The following UBE2G1 variants were observed in gnomAD, a reference collection of about 807,000 sequenced individuals.
UBE2G1 encodes ubiquitin conjugating enzyme E2 G1.
A neutral mutation model predicts 22.7 loss-of-function variants in UBE2G1; 5 were observed. The observed-to-expected ratio is 0.22, with a 90% CI of 0.12 to 0.46. UBE2G1 has a LOEUF of 0.46. Among genes scored for constraint, UBE2G1 ranks in the 20% least tolerant of loss-of-function variants. The probability of loss-of-function intolerance (pLI) is 0.99; values close to 1 mark genes in which losing one functional copy is unlikely to be tolerated. For synonymous variants in UBE2G1, 74 were observed against 67.5 expected, an observed-to-expected ratio of 1.10 and a Z score of -0.47; for missense variants, 88 against 203.9, an observed-to-expected ratio of 0.43 and a Z score of 3.46.
At chr17:4,324,358 C>T (rs1969477354) in intron 1 of UBE2G1, among the ~76,000 whole-genome samples, 2 of 152,066 alleles carry the variant, frequency 1.3e-5, no homozygotes, top group Admixed American at 6.6e-5. Context: ...TTTTTGAAGA[C>T]TTTGTGAGAA....
At chr17:4,314,760 C>A (rs1212104695) in intron 1 of UBE2G1, among the ~76,000 whole-genome samples, 6 of 152,126 alleles carry the variant, frequency 3.9e-5, no homozygotes, top group Non-Finnish European at 8.8e-5. Flanking sequence ...ACCTCACAAA[C>A]CTAACCTGTT....
At chr17:4,346,039 A>G (rs942620898) in intron 1 of UBE2G1, among the ~76,000 whole-genome samples, 2 of 152,242 alleles carry the variant, frequency 1.3e-5, no homozygotes, top group Non-Finnish European at 2.9e-5. Flanking sequence ...TGCTATTGAT[A>G]TTGCAACAAT....
intron 5 of UBE2G1, among the ~76,000 whole-genome samples, chr17:4,278,633 T>C (rs558385366): frequency 6.6e-6 from 1 of 152,330 alleles, no homozygotes; most frequent in South Asian, 2.1e-4. Context: ...TGGTGTGATG[T>C]ATATTTAATT....
At chr17:4,356,732 C>T (rs984375577) in intron 1 of UBE2G1, among the ~76,000 whole-genome samples, 11 of 152,142 alleles carry the variant, frequency 7.2e-5, no homozygotes, top group African/African-American at 2.2e-4. Context: ...AAAATTAAGA[C>T]GGAATTTCTG....
intron 5 of UBE2G1, among the ~76,000 whole-genome samples, chr17:4,276,793 G>C (rs1237950556): frequency 6.6e-6 from 1 of 152,192 alleles, no homozygotes; most frequent in African/African-American, 2.4e-5. Context: ...ACAAGAGTGA[G>C]GGATGCAAGC....
intron 1 of UBE2G1, among the ~76,000 whole-genome samples, chr17:4,342,568 G>A (rs925682003): frequency 6.6e-6 from 1 of 152,126 alleles, no homozygotes; most frequent in East Asian, 1.9e-4. Flanking sequence ...GCAACAAATC[G>A]AGATCCTGCC....
At chr17:4,291,021 C>T (rs575518129) in intron 3 of UBE2G1, among the ~76,000 whole-genome samples, 1 of 152,242 alleles carries the variant, frequency 6.6e-6, no homozygotes, top group African/African-American at 2.4e-5. Flanking sequence ...CCAACCCATC[C>T]CTATCTGCTA....
At chr17:4,284,419 T>C (rs1598179621) in intron 4 of UBE2G1, among the ~76,000 whole-genome samples, 1 of 151,806 alleles carries the variant, frequency 6.6e-6, no homozygotes, top group African/African-American at 2.4e-5. Flanking sequence ...GCCAACATGG[T>C]GAAACCCCAT....
chr17:4,355,706 CTT>C (rs764242717), intron 1 of UBE2G1, among the ~76,000 whole-genome samples: 1 of 137,392 alleles, frequency 7.3e-6, no homozygotes. Context: ...AGTAGCCATT[CTT>C]TTTTTTTTTT....
At chr17:4,363,829 G>A (rs996602002) in intron 1 of UBE2G1, among the ~76,000 whole-genome samples, 1 of 151,582 alleles carries the variant, frequency 6.6e-6, no homozygotes, top group Admixed American at 6.6e-5. Context: ...GCGGGCGCCT[G>A]TAGTCCCAGC....
intron 1 of UBE2G1, among the ~76,000 whole-genome samples, chr17:4,315,242 C>A (rs1298795913): frequency 5.3e-5 from 8 of 152,102 alleles, no homozygotes; most frequent in Admixed American, 5.2e-4. Flanking sequence ...TATCTGTCTA[C>A]TTTGGTATTA....
chr17:4,324,808 T>C (rs948551256), intron 1 of UBE2G1, among the ~76,000 whole-genome samples: 2 of 152,052 alleles, frequency 1.3e-5, no homozygotes, highest in African/African-American at 4.8e-5. Flanking sequence ...CCGGGCGCGG[T>C]GGCTCACGCC....
chr17:4,318,766 A>T (rs952604670), intron 1 of UBE2G1, among the ~76,000 whole-genome samples: 6 of 152,214 alleles, frequency 3.9e-5, no homozygotes, highest in Admixed American at 3.9e-4. Context: ...GGGGCAAAAA[A>T]GTGATTCTCA....
intron 5 of UBE2G1, among the ~76,000 whole-genome samples, chr17:4,275,940 T>C (rs1968816449): frequency 6.6e-6 from 1 of 152,180 alleles, no homozygotes; most frequent in Non-Finnish European, 1.5e-5. Context: ...CCAACTTCCT[T>C]TCTGAGCTCT....
chr17:4,284,018 G>A (rs1015240842), intron 4 of UBE2G1, among the ~76,000 whole-genome samples: 2 of 151,878 alleles, frequency 1.3e-5, no homozygotes, highest in African/African-American at 2.4e-5. Flanking sequence ...TTAGCTGGAC[G>A]TGGTGGTGCA....
intron 1 of UBE2G1, among the ~76,000 whole-genome samples, chr17:4,316,299 C>T (rs1308552097): frequency 6.6e-6 from 1 of 151,012 alleles, no homozygotes; most frequent in East Asian, 2.0e-4. Flanking sequence ...ACTATTTTTA[C>T]TGCAGCTTCA....
At chr17:4,314,250 T>A (rs1045344368) in intron 1 of UBE2G1, among the ~76,000 whole-genome samples, 1 of 152,156 alleles carries the variant, frequency 6.6e-6, no homozygotes, top group Non-Finnish European at 1.5e-5. Flanking sequence ...TAGGTTCATC[T>A]CACACATAGC....
chr17:4,302,292 A>G (rs551480640), intron 2 of UBE2G1: 117 of 472,720 alleles, frequency 2.5e-4, no homozygotes, highest in African/African-American at 2.1e-3. Context: ...GGGGAAGAAC[A>G]GCATCTGGGT....
At chr17:4,322,253 T>C (rs982142193) in intron 1 of UBE2G1, among the ~76,000 whole-genome samples, 3 of 152,178 alleles carry the variant, frequency 2.0e-5, no homozygotes, top group Non-Finnish European at 4.4e-5. Flanking sequence ...AAAGAAAGAA[T>C]AATGTAAGCA....
Sources: allele counts gnomAD v4.1 joint callset (sites outside exome capture counted in the v4.1 genomes callset), GRCh38; gene constraint gnomAD v4.1.1; transcripts MANE v1.5; gene names NCBI Gene and HGNC (gene_info 2026-07-23, HGNC 2026-07-21).